Variants in HS6ST3 observed in about 807,000 individuals in gnomAD.
HS6ST3 encodes heparan-sulfate 6-O-sulfotransferase 3.
A neutral mutation model predicts 36.7 loss-of-function variants in HS6ST3; 12 were observed. The ratio of observed to expected loss-of-function variants is 0.33; its 90% confidence interval spans 0.21 to 0.53. The LOEUF is 0.53. HS6ST3 is among the 20% of genes least tolerant of loss of function. The pLI is 0.95. For missense variants in HS6ST3, 584 were observed against 640.9 expected, an observed-to-expected ratio of 0.91 and a Z score of 0.96; for synonymous variants, 240 against 257.5, an observed-to-expected ratio of 0.93 and a Z score of 0.65.
Position 96,351,335 on chromosome 13 carries a change from T to TAAAA in HS6ST3, c.707+259771_707+259774dup, listed in dbSNP as rs1555300084. 7.0e-3 allele frequency among the ~76,000 whole-genome samples: 1,025 copies of TAAAA among 146,388 alleles called. 15 individuals carry two copies. Among genetic ancestry groups the TAAAA allele is most frequent in the African/African-American group, 0.014 (542 of 38,610 alleles). ...AGGTGGCAGTCTTTTTTTTTTTTTT[T>TAAAA]AAAAAAAACAAGGTCTTGCTGGGTT... On this transcript the variant is annotated intron_variant, in intron 1 of 1. Transcript: ENST00000376705.
At chr13:96,402,107 G>A (rs900780015) in intron 1 of HS6ST3, among the ~76,000 whole-genome samples, 1 of 152,106 alleles carries the variant, frequency 6.6e-6, no homozygotes, top group East Asian at 1.9e-4. Flanking sequence ...TCAAGTAGCC[G>A]AGGTTACAGG....
chr13:96,371,689 C>A (rs550056716), intron 1 of HS6ST3, among the ~76,000 whole-genome samples: 1 of 152,256 alleles, frequency 6.6e-6, no homozygotes, highest in Non-Finnish European at 1.5e-5. Context: ...TTTTTAGATA[C>A]CACATTTAAG....
chr13:96,173,685 A>AG (rs2054199178), intron 1 of HS6ST3, among the ~76,000 whole-genome samples: 1 of 151,604 alleles, frequency 6.6e-6, no homozygotes, highest in Non-Finnish European at 1.5e-5. Context: ...AAAAAAAAAA[A>AG]AAAAAAAATG....
intron 1 of HS6ST3, among the ~76,000 whole-genome samples, chr13:96,800,620 C>T (rs77468206): frequency 2.0e-5 from 3 of 152,154 alleles, no homozygotes; most frequent in Non-Finnish European, 2.9e-5. Flanking sequence ...CCAATAAATA[C>T]AAATCTACTT....
intron 1 of HS6ST3, among the ~76,000 whole-genome samples, chr13:96,103,566 G>T (rs773568909): frequency 3.9e-4 from 60 of 152,090 alleles, no homozygotes; most frequent in Non-Finnish European, 7.2e-4. Flanking sequence ...CCTATATCCT[G>T]TTTTTTTGGA....
intron 1 of HS6ST3, among the ~76,000 whole-genome samples, chr13:96,700,456 A>G (rs1233411446): frequency 1.3e-5 from 2 of 152,092 alleles, no homozygotes; most frequent in African/African-American, 4.8e-5. Flanking sequence ...CAGCCAAACC[A>G]TATCATCTCC....
In HS6ST3 at chr13:96,285,569, G is replaced by T. The variant is rs143032248; in HGVS notation, c.707+194000G>T. ...ATTGGTGTTCTGAGGAATAAGTCATGAATTAGTTCACACAATATTTACCGT... is the reference window on the plus strand; with the variant it reads ...ATTGGTGTTCTGAGGAATAAGTCATTAATTAGTTCACACAATATTTACCGT... On this transcript the variant is annotated intron_variant, in intron 1 of 1. Transcript: ENST00000376705. Among the ~76,000 whole-genome samples, 129 of 152,254 alleles carry T rather than the reference G, an allele frequency of 8.5e-4. 1 individual carries two copies. The highest frequency in any genetic ancestry group is 3.4e-3 in the Middle Eastern group (1 of 294).
chr13:96,562,050 T>A (rs940622511), intron 1 of HS6ST3, among the ~76,000 whole-genome samples: 3 of 152,098 alleles, frequency 2.0e-5, no homozygotes, highest in Non-Finnish European at 4.4e-5. Context: ...AGAAAAGAAA[T>A]CATTCTGCCA....
chr13:96,600,794 C>G (rs139849911), intron 1 of HS6ST3, among the ~76,000 whole-genome samples: 2 of 151,930 alleles, frequency 1.3e-5, no homozygotes, highest in Non-Finnish European at 2.9e-5. Flanking sequence ...TGTTTTTATA[C>G]TGGTGTGTAA....
At chr13:96,810,273 C>A (rs947498224) in intron 1 of HS6ST3, among the ~76,000 whole-genome samples, 1 of 152,108 alleles carries the variant, frequency 6.6e-6, no homozygotes, top group Admixed American at 6.5e-5. Flanking sequence ...CTTTAACCAA[C>A]GTTCTTAGAA....
intron 1 of HS6ST3, among the ~76,000 whole-genome samples, chr13:96,163,599 T>C (rs1266692079): frequency 6.6e-6 from 1 of 152,180 alleles, no homozygotes; most frequent in African/African-American, 2.4e-5. Flanking sequence ...GGTGGTATGT[T>C]GAACTATAGT....
chr13:96,267,303 A>G (rs1448394424), intron 1 of HS6ST3, among the ~76,000 whole-genome samples: 1 of 152,186 alleles, frequency 6.6e-6, no homozygotes, highest in Non-Finnish European at 1.5e-5. Context: ...ATGGACTAAC[A>G]CAATTGGCAT....
intron 1 of HS6ST3, among the ~76,000 whole-genome samples, chr13:96,738,975 C>T (rs1488329536): frequency 1.3e-5 from 2 of 152,168 alleles, no homozygotes; most frequent in South Asian, 2.1e-4. Flanking sequence ...AAACTCTTCT[C>T]GTCAATATAA....
intron 1 of HS6ST3, among the ~76,000 whole-genome samples, chr13:96,346,312 T>G (rs180912019): frequency 1.3e-5 from 2 of 152,170 alleles, no homozygotes; most frequent in African/African-American, 2.4e-5. Context: ...CGGTGGCTCA[T>G]GCCTGTAATC....
chr13:96,117,815 T>C (rs2053900700), intron 1 of HS6ST3, among the ~76,000 whole-genome samples: 1 of 152,084 alleles, frequency 6.6e-6, no homozygotes, highest in East Asian at 1.9e-4. Context: ...CTGAATCATG[T>C]CTCCTGCCCC....
chr13:96,386,709 A>G (rs2055370248), intron 1 of HS6ST3, among the ~76,000 whole-genome samples: 1 of 152,016 alleles, frequency 6.6e-6, no homozygotes, highest in Non-Finnish European at 1.5e-5. Flanking sequence ...TACTAAAAAT[A>G]CAAAAAATTA....
chr13:96,126,708 C>T (rs1242364538), intron 1 of HS6ST3, among the ~76,000 whole-genome samples: 1 of 152,162 alleles, frequency 6.6e-6, no homozygotes, highest in Admixed American at 6.5e-5. Context: ...AACAATTGTA[C>T]TCCCCAATCT....
intron 1 of HS6ST3, among the ~76,000 whole-genome samples, chr13:96,455,457 G>A (rs2055750453): frequency 1.3e-5 from 2 of 151,890 alleles, no homozygotes; most frequent in African/African-American, 2.4e-5. Flanking sequence ...TAAATTCCTG[G>A]GCTCAAGTGA....
chr13:96,779,328 T>TAAG (rs1877470371), intron 1 of HS6ST3, among the ~76,000 whole-genome samples: 2 of 150,918 alleles, frequency 1.3e-5, no homozygotes, highest in African/African-American at 4.9e-5. Context: ...ATAATAATAA[T>TAAG]AATAATAATA....
Sources: allele counts gnomAD v4.1 joint callset (sites outside exome capture counted in the v4.1 genomes callset), GRCh38; gene constraint gnomAD v4.1.1; transcripts MANE v1.5; gene names NCBI Gene and HGNC (gene_info 2026-07-23, HGNC 2026-07-21).